SPTA1: variants seen among roughly 807,000 people sequenced by gnomAD.
SPTA1 encodes spectrin alpha, erythrocytic 1.
Under a neutral mutation model 324.7 loss-of-function variants are expected in SPTA1, and 177 were observed. That is an observed-to-expected ratio of 0.55 (90% CI 0.48 to 0.62). The LOEUF (loss-of-function observed/expected upper bound fraction) is 0.62, where lower values mean the gene tolerates loss of function less well. Ranked by LOEUF, SPTA1 falls within the 20% of genes least tolerant of loss-of-function variation. SPTA1 has a pLI of 0.00. For missense variants in SPTA1, 3,162 were observed against 2,883.6 expected (o/e 1.10, Z -2.21); for synonymous variants, 1,195 against 1,041.3 (o/e 1.15, Z -2.84).
intron 40 of SPTA1, 26 bp downstream of exon 40, chr1:158,627,599 G>A (rs1221403859): frequency 1.2e-6 from 2 of 1,608,596 alleles, no homozygotes. Flanking sequence ...ATGGAAGTTT[G>A]AGCTGGAATT....
At position 158,666,509 on chromosome 1, in the gene SPTA1, C is replaced by T. The variant is rs754653800; in HGVS notation, c.2039-12G>A. ...ATGCAACTGGGTCCCTGGGAGAAGACATAAGGTAGAAGACATTAGGTACCA... is the reference window on the plus strand; with the variant it reads ...ATGCAACTGGGTCCCTGGGAGAAGATATAAGGTAGAAGACATTAGGTACCA... On this transcript the variant is annotated splice_polypyrimidine_tract_variant and intron_variant, in intron 15 of 51. Transcript: ENST00000643759. 2.5e-6 allele frequency: 4 copies of T among 1,604,992 alleles called. No individual in the cohort carries two copies. The highest frequency in any genetic ancestry group is 3.3e-5 in the Admixed American group (2 of 59,978).
intron 47 of SPTA1, among the ~76,000 whole-genome samples, chr1:158,617,055 T>C (rs5778085): frequency 0.6 from 91,025 of 151,240 alleles, 27,541 homozygotes; most frequent in Middle Eastern, 0.68. Flanking sequence ...AAAAAAAAAA[T>C]GTTGAGAAAC....
At chr1:158,643,934 C>T (rs1247453357) in intron 30 of SPTA1, among the ~76,000 whole-genome samples, 5 of 151,858 alleles carry the variant, frequency 3.3e-5, no homozygotes, top group South Asian at 2.1e-4. Flanking sequence ...GTCAGGAGTT[C>T]GAGACCAGCC....
At chr1:158,651,126 A>G (rs1411410595) in intron 24 of SPTA1, among the ~76,000 whole-genome samples, 1 of 152,194 alleles carries the variant, frequency 6.6e-6, no homozygotes, top group East Asian at 1.9e-4. Context: ...ATGTGAGGGC[A>G]TGGAGGACAC....
intron 39 of SPTA1, among the ~76,000 whole-genome samples, chr1:158,629,426 G>T (rs1365669082): frequency 6.6e-6 from 1 of 151,684 alleles, no homozygotes; most frequent in Non-Finnish European, 1.5e-5. Context: ...CACAAAAAAA[G>T]ATAGAACTAA....
In SPTA1 at chr1:158,666,494, G is replaced by A. The variant is rs758851633; in HGVS notation, c.2042C>T (p.Thr681Ile). Residue 681 changes from threonine to isoleucine, a missense_variant, in exon 16 of 52, where the codon ACC becomes ATC. By Grantham distance (89) the Thr-to-Ile change is moderately conservative. Coordinates refer to ENST00000643759, the MANE Select transcript of SPTA1 (RefSeq NM_003126.4). Reference sequence around the variant, plus strand: ...CTGCTGGTTGGCCTCATGCAACTGGGTCCCTGGGAGAAGACATAAGGTAGA... The same window carrying A: ...CTGCTGGTTGGCCTCATGCAACTGGATCCCTGGGAGAAGACATAAGGTAGA... Reference protein sequence around the residue: ...ELLEATKQKGTQLHEANQQLQ... With the variant: ...ELLEATKQKGIQLHEANQQLQ... The A allele has an allele frequency of 1.2e-6, 2 of 1,607,532 alleles. No homozygotes were observed. The highest frequency in any genetic ancestry group is 3.3e-5 in the Admixed American group (2 of 59,984).
At chr1:158,661,976 T>C (rs865934339) in intron 17 of SPTA1, among the ~76,000 whole-genome samples, 10 of 152,228 alleles carry the variant, frequency 6.6e-5, no homozygotes, top group African/African-American at 2.2e-4. Flanking sequence ...CCCGAAATCC[T>C]GCTGTCTGCT....
At chr1:158,620,647 C>A (rs150850958) in intron 43 of SPTA1, 181 bp from the exon 44 acceptor site, 2 of 664,354 alleles carry the variant, frequency 3.0e-6, no homozygotes, top group African/African-American at 1.8e-5. Flanking sequence ...GTTAGCGGTA[C>A]GAGCCCTGGT....
chr1:158,638,420 G>A (rs1006075464), intron 35 of SPTA1, among the ~76,000 whole-genome samples, 179 bp from the exon 36 acceptor site: 1 of 152,162 alleles, frequency 6.6e-6, no homozygotes, highest in African/African-American at 2.4e-5. Context: ...GGCCATATGT[G>A]GGAGCGATAG....
Position 158,638,182 on chromosome 1 carries a change from G to T in SPTA1, c.5040C>A (p.Asn1680Lys). 2 of 1,613,816 alleles carry T rather than the reference G, an allele frequency of 1.2e-6. No individual in the cohort carries two copies. The highest frequency in any genetic ancestry group is 1.7e-4 in the Middle Eastern group (1 of 6,058). Residue 1680 changes from asparagine (N) to lysine (K), a missense_variant, in exon 36 of 52, where the codon AAC (asparagine) becomes AAA (lysine). Coordinates refer to ENST00000643759, the MANE Select transcript of SPTA1 (RefSeq NM_003126.4). ...CTTTTTTCTTCACAATCTGATCAAC[G>T]TTGAAAGTCCCGCTGGAGAGCAAAT... ...AEDLLSSGTF[N>K]VDQIVKKKDN...
At chr1:158,671,261 C>A in intron 12 of SPTA1, 82 bp downstream of exon 12, 1 of 949,158 alleles carries the variant, frequency 1.1e-6, no homozygotes, top group Non-Finnish European at 1.7e-6. Context: ...GTTACAGGAG[C>A]AATGCTGTCT....
At chr1:158,685,404 C>T in intron 1 of SPTA1, 57 bp from the exon 2 acceptor site, 1 of 1,602,704 alleles carries the variant, frequency 6.2e-7, no homozygotes, top group African/African-American at 1.3e-5. Flanking sequence ...ACATGTTGCC[C>T]CGCTTATATG....
Position 158,654,679 on chromosome 1 carries a change from C to A in SPTA1, c.2968G>T (p.Ala990Ser), listed in dbSNP as rs374897423. Residue 990 changes from alanine (A) to serine (S), a missense_variant, in exon 21 of 52, where the codon GCC becomes TCC. By Grantham distance (99) the Ala-to-Ser change is moderately conservative (BLOSUM62 1). Transcript: ENST00000643759. ...QRVMALYDFQ[A>S]RSPREVTMKK... ...ATGGTGACTTCTCGGGGGCTGCGGG[C>A]CTGGAAGTCATATAAAGCCATGACC... 5.0e-6 allele frequency: 8 copies of A among 1,613,706 alleles called. No individual in the cohort carries two copies. The highest frequency in any genetic ancestry group is 1.7e-5 in the Admixed American group (1 of 59,946).
At chr1:158,647,447 T>G (rs1652078712) in intron 27 of SPTA1, 92 bp downstream of exon 27, 1 of 1,534,274 alleles carries the variant, frequency 6.5e-7, no homozygotes, top group Non-Finnish European at 9.0e-7. Flanking sequence ...AGTGATGCCC[T>G]CCAAAACCAG....
intron 38 of SPTA1, among the ~76,000 whole-genome samples, chr1:158,635,615 C>T (rs948223211): frequency 1.3e-5 from 2 of 152,120 alleles, no homozygotes; most frequent in South Asian, 4.1e-4. Flanking sequence ...TAAAGCAGAA[C>T]AGATGTGTGG....
At chr1:158,637,131 C>A (rs938250068) in intron 36 of SPTA1, among the ~76,000 whole-genome samples, 3 of 152,086 alleles carry the variant, frequency 2.0e-5, no homozygotes, top group Non-Finnish European at 4.4e-5. Context: ...TTGTTATTTT[C>A]ATTTATTAAT....
chr1:158,682,714 A>G (rs1654898800), intron 3 of SPTA1, among the ~76,000 whole-genome samples: 1 of 152,214 alleles, frequency 6.6e-6, no homozygotes, highest in African/African-American at 2.4e-5. Flanking sequence ...TGAATTGACA[A>G]TATTAGCACA....
At chr1:158,654,557 G>A (rs367960478) in intron 21 of SPTA1, 54 bp downstream of exon 21, 2 of 1,610,536 alleles carry the variant, frequency 1.2e-6, no homozygotes, top group African/African-American at 2.7e-5. Flanking sequence ...AGGATTGGGA[G>A]AGATGGTTCT....
chr1:158,620,625 T>C lies in SPTA1; in HGVS notation c.6121-159A>G, dbSNP rs1649847355. 3 of 837,914 alleles carry C rather than the reference T, an allele frequency of 3.6e-6. No individual in the cohort carries two copies. In the East Asian group the frequency reaches 8.0e-5, roughly 22 times the overall value. 51.9% of individuals were successfully genotyped at this position (837,914 alleles called of 1,614,324 possible). ...CAATAGGGACTGTGTACTTTGATGG[T>C]TGAACATGTGAGTTAGCGGTACGAG... On this transcript the variant is annotated intron_variant, in intron 43 of 51. Coordinates refer to ENST00000643759, the MANE Select transcript of SPTA1 (RefSeq NM_003126.4).
Sources: allele counts gnomAD v4.1 joint callset (sites outside exome capture counted in the v4.1 genomes callset), GRCh38; gene constraint gnomAD v4.1.1; transcripts MANE v1.5; gene names NCBI Gene and HGNC (gene_info 2026-07-23, HGNC 2026-07-21).